Variants in ZC3H7B observed in about 807,000 individuals in gnomAD.
ZC3H7B encodes zinc finger CCCH-type containing 7B.
A neutral mutation model predicts 116.0 loss-of-function variants in ZC3H7B; 35 were observed. That is an observed-to-expected ratio of 0.30 (90% CI 0.23 to 0.40). The LOEUF is 0.40. Among genes scored for constraint, ZC3H7B ranks in the 10% least tolerant of loss-of-function variants. ZC3H7B has a pLI of 1.00. For missense variants in ZC3H7B, 1,011 were observed against 1,321.5 expected, an observed-to-expected ratio of 0.77 and a Z score of 3.64; for synonymous variants, 502 against 545.6, an observed-to-expected ratio of 0.92 and a Z score of 1.11.
At chr22:41,323,584 C>T (rs773482655) in intron 2 of ZC3H7B, among the ~76,000 whole-genome samples, 8 of 152,174 alleles carry the variant, frequency 5.3e-5, no homozygotes, top group Non-Finnish European at 7.4e-5. Context: ...GCAGCCTCCC[C>T]GAAGCCGTCT....
intron 5 of ZC3H7B, among the ~76,000 whole-genome samples, chr22:41,329,421 G>C (rs2036355191): frequency 6.6e-6 from 1 of 151,794 alleles, no homozygotes. Context: ...ACCATGCCCG[G>C]CTAATTTTTC....
Position 41,330,043 on chromosome 22 carries a change from T to C in ZC3H7B, c.465T>C (p.Leu155=). Residue 155 remains leucine, a synonymous_variant, in exon 6 of 23, where the codon CTT becomes CTC. Coordinates refer to ENST00000352645, the MANE Select transcript of ZC3H7B (RefSeq NM_017590.6). The part of the protein sequence containing the change: ...ALPHDESVTQ[L]GQELAQKLGL... Reference sequence around the variant, plus strand: ...TGCAGGATGAAAGCGTGACTCAGCTTGGTCAGGAGCTGGCCCAGAAACTGG... The same window carrying C: ...TGCAGGATGAAAGCGTGACTCAGCTCGGTCAGGAGCTGGCCCAGAAACTGG... 6.2e-7 allele frequency: 1 copy of C among 1,613,842 alleles called. No individual in the cohort carries two copies. The highest frequency in any genetic ancestry group is 8.5e-7 in the Non-Finnish European group (1 of 1,179,988).
intron 17 of ZC3H7B, among the ~76,000 whole-genome samples, chr22:41,352,458 T>G (rs1057412310): frequency 1.3e-5 from 2 of 152,212 alleles, no homozygotes; most frequent in African/African-American, 4.8e-5. Context: ...CTATAGTTTG[T>G]AATTAATAAA....
intron 17 of ZC3H7B, among the ~76,000 whole-genome samples, chr22:41,352,106 G>A (rs1044564766): frequency 6.6e-6 from 1 of 152,230 alleles, no homozygotes; most frequent in Non-Finnish European, 1.5e-5. Flanking sequence ...AAAGTGCAGC[G>A]ATTACAGGCA....
chr22:41,346,159 T>C lies in ZC3H7B; in HGVS notation c.1616T>C (p.Ile539Thr). ...LGGVKRGSLT[I>T]AKLLKEHQGI... The stretch of plus-strand genomic sequence containing the variant: ...GGTGTTAAGCGCGGCAGCCTCACCA[T>C]CGCCAAGCTCCTGAAGGAGCACCAG... The change falls in exon 14 of 23, where the codon ATC becomes ACC. Residue 539 changes from isoleucine (I) to threonine (T), a missense_variant. Transcript: ENST00000352645. The surrounding 1 kb of genome is among the most constrained non-coding windows in gnomAD (Gnocchi z 5.3). 1 of 1,612,628 alleles carries C rather than the reference T, an allele frequency of 6.2e-7. No individual in the cohort carries two copies. The highest frequency in any genetic ancestry group is 1.1e-5 in the South Asian group (1 of 91,086).
intron 1 of ZC3H7B, among the ~76,000 whole-genome samples, chr22:41,312,020 T>A (rs774143618): frequency 1.3e-5 from 2 of 152,088 alleles, no homozygotes; most frequent in African/African-American, 4.8e-5. Context: ...CTTCTAGTTT[T>A]CCACTTACTC....
intron 4 of ZC3H7B, among the ~76,000 whole-genome samples, chr22:41,326,805 G>A (rs765697158): frequency 6.6e-6 from 1 of 152,214 alleles, no homozygotes; most frequent in Non-Finnish European, 1.5e-5. Flanking sequence ...GTTAACCCTT[G>A]TACACTCTGC....
At chr22:41,326,041 C>T in intron 4 of ZC3H7B, 123 bp downstream of exon 4, 4 of 1,153,816 alleles carry the variant, frequency 3.5e-6, no homozygotes, top group Non-Finnish European at 4.8e-6. Flanking sequence ...AGCCTGCTTT[C>T]AGAATTTCAT....
At chr22:41,329,910 C>G (rs2145918988) in intron 5 of ZC3H7B, 113 bp from the exon 6 acceptor site, 1 of 1,065,558 alleles carries the variant, frequency 9.4e-7, no homozygotes, top group African/African-American at 1.6e-5. Context: ...ACTTTCTCAT[C>G]TATAACATGG....
At chr22:41,348,015 C>G in intron 14 of ZC3H7B, 52 bp from the exon 15 acceptor site, 1 of 1,526,446 alleles carries the variant, frequency 6.6e-7, no homozygotes, top group Non-Finnish European at 9.1e-7. Context: ...TCCCAGCTCA[C>G]CCCCTTCCCA....
chr22:41,343,480 C>T lies in ZC3H7B; in HGVS notation c.1363C>T (p.Leu455Phe). The T allele has an allele frequency of 2.5e-6, 4 of 1,613,914 alleles. No homozygotes were observed. Among genetic ancestry groups the T allele is most frequent in the South Asian group, 1.1e-5 (1 of 91,066 alleles). ...LEHKCKRDIL[L>F]GRLRSSEDQT... ...GCACAAGTGCAAGCGGGACATCCTG[C>T]TCGGCCGGCTCCGGAGCTCGGAGGA... Residue 455 changes from leucine (L) to phenylalanine (F), a missense_variant, in exon 13 of 23, where the codon CTC becomes TTC. Coordinates refer to ENST00000352645, the MANE Select transcript of ZC3H7B (RefSeq NM_017590.6).
At chr22:41,310,718 T>C (rs1486714347) in intron 1 of ZC3H7B, among the ~76,000 whole-genome samples, 1 of 152,228 alleles carries the variant, frequency 6.6e-6, no homozygotes, top group East Asian at 1.9e-4. Context: ...AAATTTATAA[T>C]TTCCAAAGCT....
rs757608008 is a variant in ZC3H7B, at chr22:41,340,072, G to A, written c.1073G>A (p.Arg358Gln). 3.4e-5 allele frequency: 54 copies of A among 1,611,904 alleles called. 1 individual carries two copies. The South Asian group carries it at 4.4e-4, about 13-fold the overall frequency. Residue 358 changes from arginine (R) to glutamine (Q), a missense_variant, in exon 10 of 23, where the codon CGG becomes CAG. Physicochemically the swap from Arg to Gln is conservative, Grantham distance 43. Coordinates refer to ENST00000352645, the MANE Select transcript of ZC3H7B (RefSeq NM_017590.6). Reference sequence around the variant, plus strand: ...GACCTGCTGCCGTACTCGGAGACCCGGCTGGATGCACTCGACAGCTTTGGG... The same window carrying A: ...GACCTGCTGCCGTACTCGGAGACCCAGCTGGATGCACTCGACAGCTTTGGG... ...PLDLLPYSET[R>Q]LDALDSFGST...
intron 1 of ZC3H7B, among the ~76,000 whole-genome samples, chr22:41,311,453 A>G (rs1030259454): frequency 6.6e-6 from 1 of 152,058 alleles, no homozygotes; most frequent in Non-Finnish European, 1.5e-5. Context: ...CTGAGATGGC[A>G]CCAAAGAGGA....
Position 41,355,801 on chromosome 22 carries a change from A to G in ZC3H7B, c.2213A>G (p.Lys738Arg). The G allele has an allele frequency of 1.9e-6, 3 of 1,613,666 alleles. No individual in the cohort carries two copies. The highest frequency in any genetic ancestry group is 2.5e-6 in the Non-Finnish European group (3 of 1,179,992). Residue 738 changes from lysine to arginine, a missense_variant, in exon 19 of 23, where the codon AAG becomes AGG. This residue lies in a region of ZC3H7B where 406 missense variants were observed against 590.2 expected (regional missense o/e 0.69). Transcript: ENST00000352645. ...RRVLLVMSKA[K>R]RKWVSVRPLP... is the part of the protein sequence containing the mutation. ...GTCCTTCTGGTGATGTCCAAGGCCAAGAGGAAATGGGTGTCAGTGAGGCCA... is the reference window on the plus strand; with the variant it reads ...GTCCTTCTGGTGATGTCCAAGGCCAGGAGGAAATGGGTGTCAGTGAGGCCA...
At chr22:41,332,328 G>C in intron 7 of ZC3H7B, 101 bp downstream of exon 7, 1 of 1,393,912 alleles carries the variant, frequency 7.2e-7, no homozygotes. Context: ...GGGTCCAGGG[G>C]CCTCCGCCTC....
At position 41,356,800 on chromosome 22, in the gene ZC3H7B, C is replaced by T. The variant is rs201198885; in HGVS notation, c.2673C>T (p.Leu891=). 3 of 1,613,366 alleles carry T rather than the reference C, an allele frequency of 1.9e-6. No individual in the cohort carries two copies. The Admixed American group carries it at 5.0e-5, about 27-fold the overall frequency. Residue 891 remains leucine, a synonymous_variant, in exon 22 of 23, where the codon CTC becomes CTT. Transcript: ENST00000352645. ...AFRFPMGEFR[L]CDRLQKGKAC... ...GCTTCCCCATGGGCGAGTTCCGGCT[C>T]TGCGACAGGTGCTCCTGGGAGGGCA...
At chr22:41,316,036 C>T (rs2036179031) in intron 1 of ZC3H7B, among the ~76,000 whole-genome samples, 1 of 151,732 alleles carries the variant, frequency 6.6e-6, no homozygotes, top group South Asian at 2.1e-4. Flanking sequence ...TCTTGTTGCC[C>T]AGGCTGGAGT....
intron 12 of ZC3H7B, 152 bp from the exon 13 acceptor site, chr22:41,343,263 C>G: frequency 1.9e-6 from 2 of 1,029,398 alleles, no homozygotes; most frequent in Non-Finnish European, 2.8e-6. Flanking sequence ...AGCAAGTAGC[C>G]AGGAAGGGTG....
Sources: gnomAD v4.1 joint callset for allele counts (sites outside exome capture counted in the v4.1 genomes callset) on GRCh38, gnomAD v4.1.1 for gene constraint, gnomAD v4.1.1 regional missense constraint, Gnocchi (gnomAD v3.1) non-coding constraint, MANE v1.5 for transcripts, NCBI Gene and HGNC (gene_info 2026-07-23, HGNC 2026-07-21) for gene names.